PDS5B: variants seen among roughly 807,000 people sequenced by gnomAD.
PDS5B encodes the protein sister chromatid cohesion protein PDS5 homolog B.
In PDS5B, 51 loss-of-function variants were observed where a neutral mutation model predicts 184.1. The ratio of observed to expected loss-of-function variants is 0.28; its 90% CI spans 0.22 to 0.35. The LOEUF is 0.35. PDS5B is among the 10% of genes least tolerant of loss of function. The pLI is 1.00. For missense variants in PDS5B, 1,180 were observed against 1,723.3 expected (o/e 0.68, Z 5.58); for synonymous variants, 566 against 569.2 (o/e 0.99, Z 0.08).
At chr13:32,646,369 GTTTTTTTTTTTT>G (rs58539534) in intron 1 of PDS5B, among the ~76,000 whole-genome samples, 6 of 106,068 alleles carry the variant, frequency 5.7e-5, no homozygotes, top group South Asian at 7.9e-4. Flanking sequence ...TCATGGCTGT[GTTTTTTTTTTTT>G]TTTTTTTTTT....
At chr13:32,735,524 T>C (rs79440585) in intron 21 of PDS5B, among the ~76,000 whole-genome samples, 194 bp downstream of exon 21, 309 of 152,322 alleles carry the variant, frequency 2.0e-3, no homozygotes, top group African/African-American at 7.3e-3. Context: ...TAGTTGAGAA[T>C]AGGCATATGA....
intron 7 of PDS5B, among the ~76,000 whole-genome samples, chr13:32,670,238 A>C (rs1197423813): frequency 6.6e-6 from 1 of 151,970 alleles, no homozygotes; most frequent in Non-Finnish European, 1.5e-5. Context: ...GTTGTTTGAG[A>C]CAGAGTCTTG....
Position 32,775,148 on chromosome 13 carries a change from CA to C in PDS5B, c.*100del. The C allele has an allele frequency of 8.4e-6, 8 of 957,908 alleles. No homozygotes were observed. Among genetic ancestry groups the C allele is most frequent in the Non-Finnish European group, 1.2e-5 (8 of 654,768 alleles). The allele number at this position is 957,908 out of a possible 1,614,324, so 59.3% of individuals were successfully genotyped here. A position where few individuals can be genotyped will look rare whatever the true frequency, so the allele number is the denominator to read the frequency against. ...GAGGCTGAATAAAGCCTTTGATGCACAAAATGGGACTGCTGAAGAGTGGACA... is the reference window on the plus strand; with the variant it reads ...GAGGCTGAATAAAGCCTTTGATGCACAAATGGGACTGCTGAAGAGTGGACA... On this transcript the variant is annotated 3_prime_UTR_variant, in exon 35 of 35. Transcript: ENST00000315596.
Position 32,732,163 on chromosome 13 carries a change from C to T in PDS5B, c.2186C>T (p.Ala729Val). The change falls in exon 20 of 35, where the codon GCC becomes GTC. Residue 729 changes from alanine (A) to valine (V), a missense_variant. Coordinates refer to ENST00000315596, the MANE Select transcript of PDS5B (RefSeq NM_015032.4). The stretch of plus-strand genomic sequence containing the variant: ...GGACCCCCCCGTCAAGCCAAATATG[C>T]CATTCATTGTATCCATGCGATATTT... ...KKGPPRQAKY[A>V]IHCIHAIFSS... 1 of 1,606,002 alleles carries T rather than the reference C, an allele frequency of 6.2e-7. No individual in the cohort carries two copies. Among genetic ancestry groups the T allele is most frequent in the Non-Finnish European group, 8.5e-7 (1 of 1,173,506 alleles).
At chr13:32,649,583 C>G (rs558386011) in intron 2 of PDS5B, 2 of 152,058 alleles carry the variant, frequency 1.3e-5, no homozygotes, top group East Asian at 3.8e-4. Flanking sequence ...TATTATTTAT[C>G]TGGATGTCAG....
At chr13:32,726,777 T>TG (rs1323487765) in intron 19 of PDS5B, among the ~76,000 whole-genome samples, 1 of 152,190 alleles carries the variant, frequency 6.6e-6, no homozygotes, top group African/African-American at 2.4e-5. Flanking sequence ...TGGCTGGCCA[T>TG]GGTGGCTCAC....
intron 1 of PDS5B, among the ~76,000 whole-genome samples, chr13:32,637,321 T>C (rs1020715492): frequency 6.8e-6 from 1 of 147,106 alleles, no homozygotes; most frequent in Admixed American, 6.8e-5. Context: ...GAAAGGGAAT[T>C]GCCAAGCTTC....
chr13:32,615,451 A>G (rs1593266087), intron 1 of PDS5B, among the ~76,000 whole-genome samples: 1 of 67,196 alleles, frequency 1.5e-5, no homozygotes, highest in Admixed American at 1.4e-4. Context: ...TGAAATGTAT[A>G]CCTATCATAA....
intron 19 of PDS5B, among the ~76,000 whole-genome samples, chr13:32,727,211 A>T (rs1257078399): frequency 6.6e-6 from 1 of 152,174 alleles, no homozygotes; most frequent in African/African-American, 2.4e-5. Flanking sequence ...AAATTATACT[A>T]ATGTGTAAAA....
intron 33 of PDS5B, 67 bp downstream of exon 33, chr13:32,770,828 A>T: frequency 8.8e-7 from 1 of 1,131,336 alleles, no homozygotes; most frequent in Non-Finnish European, 1.3e-6. Flanking sequence ...AAATTTGTAA[A>T]CATACATATT....
intron 25 of PDS5B, among the ~76,000 whole-genome samples, chr13:32,754,887 T>C (rs1052625230): frequency 4.6e-5 from 7 of 152,216 alleles, no homozygotes; most frequent in Non-Finnish European, 1.0e-4. Flanking sequence ...GTGTGAGCTC[T>C]TTACCTAGTC....
intron 1 of PDS5B, among the ~76,000 whole-genome samples, chr13:32,625,913 A>G (rs1273630882): frequency 6.7e-6 from 1 of 149,284 alleles, no homozygotes; most frequent in African/African-American, 2.5e-5. Flanking sequence ...ATCTTGGCTC[A>G]CTGTAGCCTT....
chr13:32,687,350 A>T lies in PDS5B; in HGVS notation c.1355+65A>T. 2.4e-6 allele frequency: 3 copies of T among 1,235,192 alleles called. No homozygotes were observed. The South Asian group carries it at 4.4e-5, about 18-fold the overall frequency. 76.5% of individuals were successfully genotyped at this position (1,235,192 alleles called of 1,614,324 possible). ...GTTATATAACTTGATTTATTGTTTTATGCAAACTATTTTCTTTATGACCTT... is the reference window on the plus strand; with the variant it reads ...GTTATATAACTTGATTTATTGTTTTTTGCAAACTATTTTCTTTATGACCTT... On this transcript the variant is annotated intron_variant, in intron 12 of 34. Transcript: ENST00000315596.
At chr13:32,766,170 TG>T (rs1954581157) in intron 31 of PDS5B, among the ~76,000 whole-genome samples, 1 of 152,240 alleles carries the variant, frequency 6.6e-6, no homozygotes, top group South Asian at 2.1e-4. Context: ...GAGCTCATGA[TG>T]TATTTCATTT....
intron 11 of PDS5B, 32 bp from the exon 12 acceptor site, chr13:32,687,102 T>C (rs964827087): frequency 3.9e-6 from 6 of 1,546,236 alleles, no homozygotes; most frequent in Non-Finnish European, 5.2e-6. Context: ...GGAAGCCTTT[T>C]TACATTATAA....
chr13:32,672,375 A>T (rs1950960079), intron 7 of PDS5B, among the ~76,000 whole-genome samples: 1 of 152,052 alleles, frequency 6.6e-6, no homozygotes, highest in South Asian at 2.1e-4. Context: ...GAGTGAGTGT[A>T]TGTATATACA....
chr13:32,773,139 CT>C, intron 33 of PDS5B, 49 bp from the exon 34 acceptor site: 1 of 1,498,478 alleles, frequency 6.7e-7, no homozygotes, highest in South Asian at 1.3e-5. Context: ...ACGAGGTAAT[CT>C]ACTGAAAGAT....
chr13:32,634,567 G>A (rs1371832973), intron 1 of PDS5B, among the ~76,000 whole-genome samples: 1 of 146,698 alleles, frequency 6.8e-6, no homozygotes, highest in Non-Finnish European at 1.5e-5. Context: ...AGGTCATATT[G>A]TAAGTTTACA....
intron 11 of PDS5B, among the ~76,000 whole-genome samples, chr13:32,684,894 A>G (rs530213028): frequency 1.3e-5 from 2 of 152,126 alleles, no homozygotes; most frequent in Admixed American, 1.3e-4. Context: ...CGGGTAGATC[A>G]TGAGGTCAGG....
Sources: allele counts gnomAD v4.1 joint callset (sites outside exome capture counted in the v4.1 genomes callset), GRCh38; gene constraint gnomAD v4.1.1; transcripts MANE v1.5; gene names NCBI Gene and HGNC (gene_info 2026-07-23, HGNC 2026-07-21).